The following LOC128706666 variants were observed in gnomAD, a reference collection of about 807,000 sequenced individuals.
the LOC128706666 span, among the ~76,000 whole-genome samples, chr20:10,415,837 A>T: frequency 1.2e-3 from 182 of 152,360 alleles, no homozygotes; most frequent in Admixed American, 3.0e-3. Context: ...AGACCAGTAC[A>T]CATATCTTTT....
chr20:10,431,037 G>A, the LOC128706666 span, among the ~76,000 whole-genome samples: 1 of 152,090 alleles, frequency 6.6e-6, no homozygotes, highest in Non-Finnish European at 1.5e-5. Context: ...TCTGAAATAG[G>A]GGGCCACATT....
the LOC128706666 span, among the ~76,000 whole-genome samples, chr20:10,429,130 T>C: frequency 1.3e-5 from 2 of 152,198 alleles, no homozygotes; most frequent in Non-Finnish European, 2.9e-5. Flanking sequence ...ATGCATCTTT[T>C]CCTAGTCACT....
At chr20:10,421,340 C>A in the LOC128706666 span, among the ~76,000 whole-genome samples, 1 of 149,750 alleles carries the variant, frequency 6.7e-6, no homozygotes, top group Non-Finnish European at 1.5e-5. Context: ...AGGAGACTTG[C>A]TTGAACTTGG....
the LOC128706666 span, among the ~76,000 whole-genome samples, chr20:10,423,235 C>T: frequency 2.6e-5 from 4 of 151,968 alleles, no homozygotes; most frequent in South Asian, 2.1e-4. Flanking sequence ...GCCTAGGCAA[C>T]GTGGCAAAAC....
the LOC128706666 span, among the ~76,000 whole-genome samples, chr20:10,419,629 C>T: frequency 1.3e-5 from 2 of 152,162 alleles, no homozygotes; most frequent in Non-Finnish European, 2.9e-5. Flanking sequence ...AGGCACAATA[C>T]TCCTGTGCTT....
chr20:10,425,122 C>A, the LOC128706666 span, among the ~76,000 whole-genome samples: 1 of 150,422 alleles, frequency 6.6e-6, no homozygotes, highest in Admixed American at 6.6e-5. Flanking sequence ...TATAGTATAA[C>A]CTTACTTTTT....
At chr20:10,423,054 A>T in the LOC128706666 span, among the ~76,000 whole-genome samples, 1 of 151,750 alleles carries the variant, frequency 6.6e-6, no homozygotes, top group African/African-American at 2.4e-5. Flanking sequence ...GCCATTCACC[A>T]TTTACTTCTC....
At chr20:10,430,456 T>C in the LOC128706666 span, among the ~76,000 whole-genome samples, 489 of 152,326 alleles carry the variant, frequency 3.2e-3, 5 homozygotes, top group African/African-American at 0.011. Flanking sequence ...GCTATTATTA[T>C]TTTGATTATG....
At chr20:10,426,451 G>C in the LOC128706666 span, among the ~76,000 whole-genome samples, 12 of 152,216 alleles carry the variant, frequency 7.9e-5, no homozygotes, top group Admixed American at 7.9e-4. Context: ...TGTTGCCCAA[G>C]GGGGAGCGTA....
the LOC128706666 span, among the ~76,000 whole-genome samples, chr20:10,428,681 A>G: frequency 3.9e-5 from 6 of 152,288 alleles, no homozygotes; most frequent in African/African-American, 1.2e-4. Context: ...TCTACCAAAA[A>G]TATGAAAAAT....
At chr20:10,426,949 G>A in the LOC128706666 span, among the ~76,000 whole-genome samples, 3 of 150,596 alleles carry the variant, frequency 2.0e-5, no homozygotes, top group African/African-American at 7.3e-5. Flanking sequence ...AACAGAAGAG[G>A]GAGAACTTGC....
At chr20:10,431,409 C>T in the LOC128706666 span, among the ~76,000 whole-genome samples, 1 of 151,990 alleles carries the variant, frequency 6.6e-6, no homozygotes, top group East Asian at 1.9e-4. Context: ...GACTACTAGC[C>T]TCAGGGGGGA....
At chr20:10,425,048 C>T in the LOC128706666 span, among the ~76,000 whole-genome samples, 17 of 142,366 alleles carry the variant, frequency 1.2e-4, no homozygotes, top group East Asian at 7.2e-4. Context: ...AGCTAAACTC[C>T]GTCTCAAAAA....
the LOC128706666 span, among the ~76,000 whole-genome samples, chr20:10,426,658 A>G: frequency 4.6e-5 from 7 of 152,330 alleles, 1 homozygote; most frequent in African/African-American, 1.7e-4. Flanking sequence ...TCAGCCTCCC[A>G]AAGTGCTGGG....
At chr20:10,416,661 G>C in the LOC128706666 span, among the ~76,000 whole-genome samples, 1 of 152,092 alleles carries the variant, frequency 6.6e-6, no homozygotes, top group Admixed American at 6.6e-5. Flanking sequence ...TGCATTTTGG[G>C]GTAACTGAAT....
chr20:10,420,373 A>C, the LOC128706666 span, among the ~76,000 whole-genome samples: 1 of 152,188 alleles, frequency 6.6e-6, no homozygotes, highest in Non-Finnish European at 1.5e-5. Flanking sequence ...ACTTTTCTAG[A>C]AACAACTGCA....
chr20:10,416,211 ACTT>A, the LOC128706666 span, among the ~76,000 whole-genome samples: 1 of 152,196 alleles, frequency 6.6e-6, no homozygotes, highest in Non-Finnish European at 1.5e-5. Context: ...AACTTGCATG[ACTT>A]CTTCTAAATT....
chr20:10,426,411 C>A, the LOC128706666 span, among the ~76,000 whole-genome samples: 1 of 112,384 alleles, frequency 8.9e-6, no homozygotes, highest in Non-Finnish European at 1.8e-5. Context: ...GCATGTTGTT[C>A]TTTTTTCTTT....
the LOC128706666 span, among the ~76,000 whole-genome samples, chr20:10,431,468 G>A: frequency 2.0e-5 from 3 of 151,800 alleles, no homozygotes; most frequent in South Asian, 2.1e-4. Flanking sequence ...GAGAATACAG[G>A]TTTGAGAAGA....
Sources: allele counts gnomAD v4.1 joint callset (sites outside exome capture counted in the v4.1 genomes callset), GRCh38; gene constraint gnomAD v4.1.1; transcripts MANE v1.5.